Variants in PTPRD observed in about 807,000 individuals in gnomAD.
The protein encoded by PTPRD is protein tyrosine phosphatase receptor type D, also known as receptor-type tyrosine-protein phosphatase delta.
A neutral mutation model predicts 214.5 loss-of-function variants in PTPRD; 34 were observed. The observed-to-expected ratio is 0.16, with a 90% CI of 0.12 to 0.21. PTPRD has a LOEUF of 0.21. Ranked by LOEUF, PTPRD falls within the 10% of genes least tolerant of loss-of-function variation. The pLI, the probability that PTPRD is intolerant of heterozygous loss-of-function variation, is 1.00. For missense variants in PTPRD, 2,545 were observed against 2,398.7 expected, an observed-to-expected ratio of 1.06 and a Z score of -1.27; for synonymous variants, 1,128 against 845.7, an observed-to-expected ratio of 1.33 and a Z score of -5.79.
chr9:10,127,167 C>T (rs1263423099), intron 3 of PTPRD, among the ~76,000 whole-genome samples: 1 of 150,690 alleles, frequency 6.6e-6, no homozygotes, highest in Non-Finnish European at 1.5e-5. Flanking sequence ...TCCTGAGCCC[C>T]ATGTGTTCTT....
chr9:8,428,517 A>AGGC (rs1035461347), intron 35 of PTPRD, among the ~76,000 whole-genome samples: 4 of 152,188 alleles, frequency 2.6e-5, no homozygotes, highest in African/African-American at 9.7e-5. Flanking sequence ...TTAGAAATGG[A>AGGC]GGCCTTCCCT....
chr9:8,412,733 T>C (rs1008089196), intron 35 of PTPRD, among the ~76,000 whole-genome samples: 2 of 152,172 alleles, frequency 1.3e-5, no homozygotes, highest in Non-Finnish European at 2.9e-5. Flanking sequence ...TACTGAAGTA[T>C]AAAACTGAGG....
intron 2 of PTPRD, among the ~76,000 whole-genome samples, chr9:10,474,325 A>G (rs911854718): frequency 2.0e-5 from 3 of 147,696 alleles, no homozygotes; most frequent in African/African-American, 7.4e-5. Flanking sequence ...AAAAAAAAGC[A>G]GGGGTTGCAA....
At chr9:10,359,275 A>G (rs1379013034) in intron 2 of PTPRD, among the ~76,000 whole-genome samples, 1 of 151,996 alleles carries the variant, frequency 6.6e-6, no homozygotes, top group Non-Finnish European at 1.5e-5. Flanking sequence ...AATTTTTTTA[A>G]GCAAAGTAAT....
chr9:9,928,504 T>C (rs1382407889), intron 5 of PTPRD, among the ~76,000 whole-genome samples: 3 of 152,102 alleles, frequency 2.0e-5, no homozygotes, highest in African/African-American at 2.4e-5. Context: ...TTTGCAAATA[T>C]GTAAAGATCA....
chr9:9,525,687 T>C (rs566638585), intron 8 of PTPRD, among the ~76,000 whole-genome samples: 7 of 152,222 alleles, frequency 4.6e-5, no homozygotes, highest in Non-Finnish European at 7.4e-5. Context: ...TATATTTCTA[T>C]AGTAAATAAT....
intron 3 of PTPRD, among the ~76,000 whole-genome samples, chr9:10,067,184 C>G (rs1381601399): frequency 6.6e-6 from 1 of 151,860 alleles, no homozygotes; most frequent in African/African-American, 2.4e-5. Context: ...TCCTATGTTC[C>G]TACCAATTTA....
chr9:8,950,936 A>G (rs2099098441), intron 11 of PTPRD, among the ~76,000 whole-genome samples: 1 of 152,106 alleles, frequency 6.6e-6, no homozygotes, highest in East Asian at 1.9e-4. Flanking sequence ...GAGTTCCAGC[A>G]TGCTTTACAA....
rs150891153 is a variant in PTPRD, at chr9:10,445,039, T to C, written c.-599-104022A>G. 1.4e-4 allele frequency among the ~76,000 whole-genome samples: 21 copies of C among 151,974 alleles called. No individual in the cohort carries two copies. In the East Asian group the frequency reaches 3.9e-3, roughly 28 times the overall value. ...AGATGAAGAGTTCAGTTGAGAATAT[T>C]AGGAAAAAGCAAAGGTATAGAGGAT... On this transcript the variant is annotated intron_variant, in intron 2 of 45. Coordinates refer to ENST00000381196, the MANE Select transcript of PTPRD (RefSeq NM_002839.4).
chr9:9,090,769 T>C, intron 10 of PTPRD: 2 of 641,322 alleles, frequency 3.1e-6, no homozygotes, highest in Non-Finnish European at 5.6e-6. Context: ...TCAAGTTGCA[T>C]CCTCTTTAGC....
intron 39 of PTPRD, among the ~76,000 whole-genome samples, chr9:8,373,049 T>C (rs562946194): frequency 2.9e-4 from 44 of 152,192 alleles, no homozygotes; most frequent in African/African-American, 9.4e-4. Flanking sequence ...TTTGTGATTA[T>C]GTGTAACATG....
chr9:10,530,241 C>CG (rs996706576), intron 2 of PTPRD, among the ~76,000 whole-genome samples: 1 of 150,290 alleles, frequency 6.7e-6, no homozygotes, highest in African/African-American at 2.5e-5. Context: ...TCTATACATC[C>CG]ATGTTAGAGA....
intron 11 of PTPRD, among the ~76,000 whole-genome samples, chr9:8,897,669 C>T (rs556289639): frequency 8.5e-5 from 13 of 152,176 alleles, no homozygotes; most frequent in Non-Finnish European, 1.9e-4. Context: ...TCAGGGTACC[C>T]TGATGGAAAG....
chr9:8,951,153 G>T (rs1030023865), intron 11 of PTPRD, among the ~76,000 whole-genome samples: 3 of 151,646 alleles, frequency 2.0e-5, no homozygotes, highest in African/African-American at 7.3e-5. Context: ...GTGTGTGTGT[G>T]TGTGTAAGAG....
At chr9:10,136,645 G>T (rs2098946448) in intron 3 of PTPRD, among the ~76,000 whole-genome samples, 1 of 85,408 alleles carries the variant, frequency 1.2e-5, no homozygotes, top group Non-Finnish European at 2.3e-5. Context: ...CGTGGGCAAG[G>T]ACTTCATGTC....
At position 9,982,906 on chromosome 9, in the gene PTPRD, G is replaced by A. The variant is rs1038752397; in HGVS notation, c.-471-44296C>T. 9.9e-5 allele frequency among the ~76,000 whole-genome samples: 15 copies of A among 152,136 alleles called. No individual in the cohort carries two copies. In the East Asian group the frequency reaches 2.1e-3, roughly 22 times the overall value. On this transcript the variant is annotated intron_variant, in intron 4 of 45. Coordinates refer to ENST00000381196, the MANE Select transcript of PTPRD (RefSeq NM_002839.4). ...TTCATGTGCTAAACACTGTTCTGAC[G>A]AAGATGATTTCTGTATAGTTCTAAA... is the stretch of plus-strand genomic sequence containing the variant.
At chr9:9,068,641 T>C (rs1446848041) in intron 10 of PTPRD, among the ~76,000 whole-genome samples, 1 of 148,810 alleles carries the variant, frequency 6.7e-6, no homozygotes, top group African/African-American at 2.5e-5. Context: ...TGAGATGGAG[T>C]CTCACTTGTC....
At chr9:9,053,355 G>A (rs1421495775) in intron 10 of PTPRD, among the ~76,000 whole-genome samples, 1 of 151,864 alleles carries the variant, frequency 6.6e-6, no homozygotes, top group Non-Finnish European at 1.5e-5. Context: ...TCATATGAGT[G>A]CTGAAAAATG....
At chr9:9,399,741 G>T (rs984268917) in intron 8 of PTPRD, among the ~76,000 whole-genome samples, 2 of 151,978 alleles carry the variant, frequency 1.3e-5, no homozygotes, top group African/African-American at 4.8e-5. Context: ...ACGCTCCTTT[G>T]CTTGCTACCA....
Sources: allele counts gnomAD v4.1 joint callset (sites outside exome capture counted in the v4.1 genomes callset), GRCh38; gene constraint gnomAD v4.1.1; transcripts MANE v1.5; gene names NCBI Gene and HGNC (gene_info 2026-07-23, HGNC 2026-07-21).